The following FAT3 variants were observed in gnomAD, a reference collection of about 807,000 sequenced individuals.
The protein encoded by FAT3 is FAT atypical cadherin 3.
In FAT3, 95 loss-of-function variants were observed where a neutral mutation model predicts 310.2. The observed-to-expected ratio is 0.31, with a 90% CI of 0.26 to 0.36. The LOEUF is 0.36. Among genes scored for constraint, FAT3 ranks in the 10% least tolerant of loss-of-function variants. The pLI is 1.00. For missense variants in FAT3, 5,408 were observed against 5,715.6 expected (o/e 0.95, Z 1.74); for synonymous variants, 2,314 against 2,192.9 (o/e 1.06, Z -1.54).
intron 3 of FAT3, among the ~76,000 whole-genome samples, chr11:92,560,236 A>G (rs183960867): frequency 9.1e-4 from 139 of 152,222 alleles, no homozygotes; most frequent in African/African-American, 3.2e-3. Flanking sequence ...TTCTTAGGTC[A>G]TTGGTATGTC....
intron 2 of FAT3, among the ~76,000 whole-genome samples, chr11:92,391,314 A>G (rs1408732401): frequency 1.3e-5 from 2 of 152,118 alleles, no homozygotes; most frequent in Non-Finnish European, 2.9e-5. Flanking sequence ...CAACCTTGCC[A>G]ATAAGTATAA....
chr11:92,536,261 C>T (rs558321620), intron 3 of FAT3, among the ~76,000 whole-genome samples: 6 of 152,204 alleles, frequency 3.9e-5, no homozygotes, highest in Non-Finnish European at 7.3e-5. Context: ...TTATTGATAG[C>T]AGTCCTGTTG....
intron 2 of FAT3, among the ~76,000 whole-genome samples, chr11:92,447,222 C>CTTGT (rs1234683270): frequency 1.4e-5 from 2 of 146,298 alleles, no homozygotes; most frequent in Non-Finnish European, 3.0e-5. Flanking sequence ...TATATGTGTG[C>CTTGT]GTGTGTGTGT....
At chr11:92,264,682 A>G (rs1438056733) in intron 1 of FAT3, among the ~76,000 whole-genome samples, 1 of 152,172 alleles carries the variant, frequency 6.6e-6, no homozygotes, top group Non-Finnish European at 1.5e-5. Context: ...TGACTTCGTG[A>G]GAGAAGTGAC....
chr11:92,725,469 C>CTA (rs1487226578), intron 4 of FAT3, among the ~76,000 whole-genome samples: 4 of 152,118 alleles, frequency 2.6e-5, no homozygotes, highest in Non-Finnish European at 5.9e-5. Flanking sequence ...TTTCCTATCC[C>CTA]TAGGCATCCG....
At chr11:92,818,187 G>A (rs963935044) in intron 13 of FAT3, among the ~76,000 whole-genome samples, 2 of 151,990 alleles carry the variant, frequency 1.3e-5, no homozygotes, top group South Asian at 2.1e-4. Context: ...CTGATTTCCC[G>A]AAGGAAAACA....
At chr11:92,653,991 C>T (rs1942481101) in intron 3 of FAT3, among the ~76,000 whole-genome samples, 1 of 152,096 alleles carries the variant, frequency 6.6e-6, no homozygotes, top group Non-Finnish European at 1.5e-5. Context: ...ATTTTGCTTT[C>T]AAATTTTTAA....
chr11:92,838,781 C>T (rs573686589), intron 17 of FAT3, among the ~76,000 whole-genome samples: 13 of 152,316 alleles, frequency 8.5e-5, no homozygotes, highest in African/African-American at 3.1e-4. Flanking sequence ...CCATCCATAG[C>T]TGGCCTCCTC....
At chr11:92,384,165 C>A (rs1334438522) in intron 2 of FAT3, among the ~76,000 whole-genome samples, 18 of 152,072 alleles carry the variant, frequency 1.2e-4, no homozygotes, top group Admixed American at 1.1e-3. Context: ...CACCCTCAAG[C>A]AGTGATTTTT....
intron 3 of FAT3, among the ~76,000 whole-genome samples, chr11:92,635,807 T>C (rs1941746144): frequency 6.6e-6 from 1 of 152,154 alleles, no homozygotes. Flanking sequence ...AGGAGAAAAG[T>C]GTTCTGTCTT....
intron 12 of FAT3, among the ~76,000 whole-genome samples, chr11:92,808,946 T>A (rs1330424351): frequency 6.6e-6 from 1 of 151,922 alleles, no homozygotes; most frequent in African/African-American, 2.4e-5. Flanking sequence ...ATAAATAAAA[T>A]AAATAAATAA....
chr11:92,336,573 GCCTTTCCATGAACTGTAAAGGAC>G (rs1472816039), intron 1 of FAT3: 1 of 162,564 alleles, frequency 6.2e-6, no homozygotes, highest in Non-Finnish European at 1.3e-5. Context: ...AAGATTTGAT[GCCTTTCCATGAACTGTAAAGGAC>G]AAAATTATAC....
chr11:92,468,243 C>T (rs1591329651), intron 2 of FAT3, among the ~76,000 whole-genome samples: 1 of 152,230 alleles, frequency 6.6e-6, no homozygotes, highest in Admixed American at 6.5e-5. Flanking sequence ...ACAGAAAAAT[C>T]ACTTTATGAA....
chr11:92,554,438 G>A (rs1371978526), intron 3 of FAT3, among the ~76,000 whole-genome samples: 2 of 122,724 alleles, frequency 1.6e-5, no homozygotes, highest in Non-Finnish European at 3.2e-5. Flanking sequence ...CTCCAACCTG[G>A]GCGAAAGAGT....
At chr11:92,534,586 A>G (rs920992351) in intron 3 of FAT3, among the ~76,000 whole-genome samples, 4 of 152,186 alleles carry the variant, frequency 2.6e-5, no homozygotes, top group African/African-American at 4.8e-5. Flanking sequence ...TTTGGTAAGG[A>G]AGATCTTTGT....
chr11:92,237,776 T>C lies in FAT3; in HGVS notation c.-18+12602T>C, dbSNP rs141825898. 5.3e-3 allele frequency among the ~76,000 whole-genome samples: 799 copies of C among 152,190 alleles called. 9 individuals carry two copies. The highest frequency in any genetic ancestry group is 0.018 in the African/African-American group (752 of 41,528). On this transcript the variant is annotated intron_variant, in intron 1 of 27. Coordinates refer to ENST00000525166, the MANE Select transcript of FAT3 (RefSeq NM_001367949.2). ...ACTGGTCCAATGAATGAATGAGATA[T>C]TGTAGATTTTGGATGGTAGAATAAT...
At position 92,225,184 on chromosome 11, in the gene FAT3, G is replaced by T. The variant is rs1455782780; in HGVS notation, c.-18+10G>T. 1.3e-5 allele frequency among the ~76,000 whole-genome samples: 2 copies of T among 152,176 alleles called. No individual in the cohort carries two copies. The highest frequency in any genetic ancestry group is 2.9e-5 in the Non-Finnish European group (2 of 68,026). On this transcript the variant is annotated intron_variant, in intron 1 of 27. Coordinates refer to ENST00000525166, the MANE Select transcript of FAT3 (RefSeq NM_001367949.2). ...GCCAGCGGAGGCAAGGGTGCGTGGG[G>T]ATTTGTAGCGTGATGATTTGGCTGC...
At chr11:92,402,132 G>C (rs1415953141) in intron 2 of FAT3, among the ~76,000 whole-genome samples, 1 of 151,944 alleles carries the variant, frequency 6.6e-6, no homozygotes, top group African/African-American at 2.4e-5. Context: ...TGTAAGCTGA[G>C]ATATTAAAAC....
intron 2 of FAT3, among the ~76,000 whole-genome samples, chr11:92,431,539 G>T (rs912015943): frequency 3.3e-5 from 5 of 151,854 alleles, no homozygotes; most frequent in Non-Finnish European, 7.4e-5. Context: ...GTCAATTTTG[G>T]CTTTTGTTGC....
Sources: gnomAD v4.1 joint callset for allele counts (sites outside exome capture counted in the v4.1 genomes callset) on GRCh38, gnomAD v4.1.1 for gene constraint, MANE v1.5 for transcripts, NCBI Gene and HGNC (gene_info 2026-07-23, HGNC 2026-07-21) for gene names.